Variants in MMP7 observed in about 807,000 individuals in gnomAD.
MMP7 encodes the protein matrix metallopeptidase 7.
A neutral mutation model predicts 31.5 loss-of-function variants in MMP7; 26 were observed. The observed-to-expected ratio is 0.83, with a 90% CI of 0.61 to 1.15. The LOEUF is 1.15. Ranked by LOEUF, MMP7 falls within the 50% of genes most tolerant of loss-of-function variation. The probability of loss-of-function intolerance (pLI) is 0.00; values close to 1 mark genes in which losing one functional copy is unlikely to be tolerated. For synonymous variants in MMP7, 142 were observed against 124.2 expected (o/e 1.14, Z -0.95); for missense variants, 367 against 326.5 (o/e 1.12, Z -0.96).
chr11:102,527,569 C>T lies in MMP7; in HGVS notation c.439G>A (p.Val147Ile), dbSNP rs1412573339. Residue 147 changes from valine (V) to isoleucine (I), a missense_variant, in exon 3 of 6, where the codon GTT becomes ATT. By Grantham distance (29) the Val-to-Ile change is conservative. Coordinates refer to ENST00000260227, the MANE Select transcript of MMP7 (RefSeq NM_002423.5). ...GKEIPLHFRK[V>I]VWGTADIMIG... ...ATGATGTCAGCAGTTCCCCATACAA[C>T]TTTCCTGAAATGCAGGGGGATCTCT... is the stretch of plus-strand genomic sequence containing the variant. 2 of 1,614,180 alleles carry T rather than the reference C, an allele frequency of 1.2e-6. No individual in the cohort carries two copies. Among genetic ancestry groups the T allele is most frequent in the Non-Finnish European group, 8.5e-7 (1 of 1,180,030 alleles).
In MMP7 at chr11:102,527,403, ACTAT is replaced by A. The variant is rs751722583; in HGVS notation, c.484+117_484+120del. 1.3e-5 allele frequency: 15 copies of A among 1,187,114 alleles called. No individual in the cohort carries two copies. In the Admixed American group the frequency reaches 1.8e-4, roughly 14 times the overall value. 73.5% of individuals were successfully genotyped at this position (1,187,114 alleles called of 1,614,324 possible). The stretch of plus-strand genomic sequence containing the variant: ...ATAATATTGCTAAATCTATCTATTA[ACTAT>A]CTATCTACCAATCATATCTCATTAA... On this transcript the variant is annotated intron_variant, in intron 3 of 5. Transcript: ENST00000260227.
chr11:102,528,470 T>A lies in MMP7; in HGVS notation c.109-487A>T, dbSNP rs189734678. Among the ~76,000 whole-genome samples, 12 of 152,288 alleles carry A rather than the reference T, an allele frequency of 7.9e-5. No individual in the cohort carries two copies. In the East Asian group the frequency reaches 2.3e-3, roughly 29 times the overall value. On this transcript the variant is annotated intron_variant, in intron 1 of 5. Coordinates refer to ENST00000260227, the MANE Select transcript of MMP7 (RefSeq NM_002423.5). The stretch of plus-strand genomic sequence containing the variant: ...AGCTCTGGGAAAAGATATTAGGAAA[T>A]TATTAAATAGTTCAATTTAATAATC...
chr11:102,529,057 CAT>C (rs915473798), intron 1 of MMP7, among the ~76,000 whole-genome samples: 6 of 152,130 alleles, frequency 3.9e-5, no homozygotes, highest in Non-Finnish European at 5.9e-5. Context: ...ACATTAGAAA[CAT>C]GTGTAGGGTT....
chr11:102,524,878 A>C (rs567930841), intron 4 of MMP7, 58 bp downstream of exon 4: 33 of 1,555,270 alleles, frequency 2.1e-5, no homozygotes, highest in Non-Finnish European at 2.8e-5. Context: ...TATTTAACTT[A>C]GTGTAAGTCC....
rs750418636 is a variant in MMP7 at position 102,530,716 on chromosome 11, A to G, written c.-16T>C. 1.9e-6 allele frequency: 3 copies of G among 1,610,432 alleles called. No homozygotes were observed. Among genetic ancestry groups the G allele is most frequent in the Non-Finnish European group, 2.5e-6 (3 of 1,177,886 alleles). On this transcript the variant is annotated 5_prime_UTR_variant, in exon 1 of 6. Coordinates refer to ENST00000260227, the MANE Select transcript of MMP7 (RefSeq NM_002423.5). ...TGAGTCGCATAGCTGCCGTCCAGAG[A>G]CAATTGTTCTTGGACCTATGGTTGA...
In MMP7 at chr11:102,527,887, G is replaced by GTAGGC. The variant is rs778207226; in HGVS notation, c.200_204dup (p.Pro69AlafsTer4). On this transcript the variant is annotated frameshift_variant, in exon 2 of 6. Transcript: ENST00000260227. LOFTEE classifies it high-confidence loss of function. ...CGGGAGTTTAACATTCCAGTTATAG[G>GTAGGC]TAGGCCAAAGAATTTTTGCATCTCC... The GTAGGC allele has an allele frequency of 1.2e-6, 2 of 1,614,106 alleles. No homozygotes were observed. Among genetic ancestry groups the GTAGGC allele is most frequent in the African/African-American group, 2.7e-5 (2 of 75,020 alleles).
chr11:102,524,156 A>C (rs1858643417), intron 4 of MMP7: 1 of 152,230 alleles, frequency 6.6e-6, no homozygotes, highest in Admixed American at 6.5e-5. Context: ...GGAAGAAAGA[A>C]GAATGAAAAG....
rs962209389 is a variant in MMP7 at position 102,524,987 on chromosome 11, C to T, written c.562G>A (p.Gly188Arg). ...TCATCCTCATCGAAGTGAGCATCTC[C>T]TCCGAGACCTGTCCCAGGCGCAAAG... ...HAFAPGTGLGGDAHFDEDERW... is the reference protein window; with the variant it reads ...HAFAPGTGLGRDAHFDEDERW... Residue 188 changes from glycine (G) to arginine (R), a missense_variant, in exon 4 of 6, where the codon GGA becomes AGA. Gly to Arg is a moderately radical substitution (Grantham distance 125, BLOSUM62 -2). Coordinates refer to ENST00000260227, the MANE Select transcript of MMP7 (RefSeq NM_002423.5). 2 of 1,614,002 alleles carry T rather than the reference C, an allele frequency of 1.2e-6. No homozygotes were observed. Among genetic ancestry groups the T allele is most frequent in the Non-Finnish European group, 1.7e-6 (2 of 1,180,022 alleles).
At chr11:102,520,901 A>G in intron 5 of MMP7, 97 bp from the exon 6 acceptor site, 1 of 800,594 alleles carries the variant, frequency 1.2e-6, no homozygotes, top group Non-Finnish European at 2.0e-6. Context: ...AGAAAGTATA[A>G]TCTATTATTC....
Position 102,524,878 on chromosome 11 carries a change from A to G in MMP7, c.613+58T>C, listed in dbSNP as rs567930841. On this transcript the variant is annotated intron_variant, in intron 4 of 5. Coordinates refer to ENST00000260227, the MANE Select transcript of MMP7 (RefSeq NM_002423.5). ...ATAAATTAATATAATTATTTAACTT[A>G]GTGTAAGTCCAGGATTTTAAAACGG... The G allele has an allele frequency of 3.2e-6, 5 of 1,555,270 alleles. No homozygotes were observed. In the African/African-American group the frequency reaches 5.5e-5, roughly 17 times the overall value.
chr11:102,523,453 A>AT lies in MMP7; in HGVS notation c.614-53dup, dbSNP rs776549381. On this transcript the variant is annotated intron_variant, in intron 4 of 5. Transcript: ENST00000260227. ...AATGATAAAAATAGCTACATACATTATGTAATATTATATATATGATATCAT... is the reference window on the plus strand; with the variant it reads ...AATGATAAAAATAGCTACATACATTATTGTAATATTATATATATGATATCAT... 21 of 1,397,800 alleles carry AT rather than the reference A, an allele frequency of 1.5e-5. No individual in the cohort carries two copies. In the East Asian group the frequency reaches 5.0e-4, roughly 33 times the overall value. The allele number at this position is 1,397,800 out of a possible 1,614,324, so 86.6% of individuals were successfully genotyped here. A position where few individuals can be genotyped will look rare whatever the true frequency, so the allele number is the denominator to read the frequency against.
chr11:102,527,939 AT>A lies in MMP7; in HGVS notation c.152del (p.Asn51MetfsTer5), dbSNP rs749814192. 3.1e-6 allele frequency: 5 copies of A among 1,614,052 alleles called. No homozygotes were observed. In the South Asian group the frequency reaches 4.4e-5, roughly 14 times the overall value. On this transcript the variant is annotated frameshift_variant, in exon 2 of 6. Transcript: ENST00000260227. LOFTEE classifies it high-confidence loss of function. ...RFYLYDSETK[N>X]ANSLEAKLKE... ...TGAGTTTGGCTTCTAAACTGTTGGC[AT>A]TTTTTGTTTCTGAGTCATAGAGATA...
chr11:102,527,261 T>G, intron 3 of MMP7: 1 of 455,788 alleles, frequency 2.2e-6, no homozygotes, highest in Non-Finnish European at 4.0e-6. Flanking sequence ...CCTGACTGTG[T>G]TCCAGTAAAA....
chr11:102,523,024 C>G (rs1379942500), intron 5 of MMP7, among the ~76,000 whole-genome samples: 2 of 152,100 alleles, frequency 1.3e-5, no homozygotes, highest in Non-Finnish European at 2.9e-5. Context: ...CCACATGATA[C>G]TATGTTACTG....
intron 1 of MMP7, among the ~76,000 whole-genome samples, chr11:102,528,246 A>C (rs1858695847): frequency 6.6e-6 from 1 of 152,192 alleles, no homozygotes; most frequent in South Asian, 2.1e-4. Flanking sequence ...TTTTGGGGAG[A>C]ATTACACTGT....
At chr11:102,528,280 T>A (rs1191088561) in intron 1 of MMP7, among the ~76,000 whole-genome samples, 3 of 152,282 alleles carry the variant, frequency 2.0e-5, no homozygotes, top group Admixed American at 2.0e-4. Context: ...CCTAGAAGTG[T>A]GTAAGAGCAA....
chr11:102,525,170 C>A, intron 3 of MMP7, 106 bp from the exon 4 acceptor site: 2 of 1,389,342 alleles, frequency 1.4e-6, no homozygotes, highest in East Asian at 2.5e-5. Flanking sequence ...GCAGCCCAGT[C>A]CAGGCCAGGC....
chr11:102,528,117 A>G, intron 1 of MMP7, 134 bp from the exon 2 acceptor site: 1 of 701,064 alleles, frequency 1.4e-6, no homozygotes. Flanking sequence ...ACATAGTCAC[A>G]GAGAAAAATA....
Position 102,521,961 on chromosome 11 carries a change from G to A in MMP7, c.776-1157C>T, listed in dbSNP as rs1423645006. On this transcript the variant is annotated intron_variant, in intron 5 of 5. Coordinates refer to ENST00000260227, the MANE Select transcript of MMP7 (RefSeq NM_002423.5). ...CGTAACTTTTGGGAATAGTTACACA[G>A]CATTTTCCAAAGTGTGTTCTCTGAA... Among the ~76,000 whole-genome samples the A allele has an allele frequency of 4.6e-5, 7 of 152,324 alleles. No homozygotes were observed. The South Asian group carries it at 1.2e-3, about 27-fold the overall frequency.
Sources: allele counts gnomAD v4.1 joint callset (sites outside exome capture counted in the v4.1 genomes callset), GRCh38; gene constraint gnomAD v4.1.1; transcripts MANE v1.5; gene names NCBI Gene and HGNC (gene_info 2026-07-23, HGNC 2026-07-21).